MON2: variants seen among roughly 807,000 people sequenced by gnomAD.
The protein encoded by MON2 is protein MON2 homolog.
A neutral mutation model predicts 208.6 loss-of-function variants in MON2; 84 were observed. The observed-to-expected ratio is 0.40, with a 90% confidence interval of 0.34 to 0.48. The LOEUF (loss-of-function observed/expected upper bound fraction) is 0.48. MON2 is among the 20% of genes least tolerant of loss of function. The probability of loss-of-function intolerance (pLI) is 0.59; values close to 1 mark genes in which losing one functional copy is unlikely to be tolerated. For synonymous variants in MON2, 660 were observed against 694.0 expected (o/e 0.95, Z 0.77); for missense variants, 1,611 against 2,015.4 (o/e 0.80, Z 3.84).
chr12:62,592,609 G>GT lies in MON2; in HGVS notation c.5015dup (p.Ile1673AsnfsTer23). ...AGTTGATGGAAATACCTGGGCACAAGTAATTGCCTTATACCCAACTTTAGT... is the reference window on the plus strand; with the variant it reads ...AGTTGATGGAAATACCTGGGCACAAGTTAATTGCCTTATACCCAACTTTAGT... On this transcript the variant is annotated frameshift_variant, in exon 35 of 35. Coordinates refer to ENST00000393630, the MANE Select transcript of MON2 (RefSeq NM_015026.3). LOFTEE classifies it high-confidence loss of function. The GT allele has an allele frequency of 6.2e-7, 1 of 1,602,238 alleles. No homozygotes were observed. The highest frequency in any genetic ancestry group is 8.5e-7 in the Non-Finnish European group (1 of 1,171,386).
intron 2 of MON2, among the ~76,000 whole-genome samples, chr12:62,489,654 G>T (rs1401915893): frequency 6.6e-6 from 1 of 151,912 alleles, no homozygotes. Flanking sequence ...GGTAATGTGA[G>T]GACTTAGATT....
intron 8 of MON2, among the ~76,000 whole-genome samples, chr12:62,524,300 T>C (rs2072221643): frequency 1.3e-5 from 2 of 152,174 alleles, no homozygotes. Context: ...TTTTCAGGTA[T>C]ATATTTAGAG....
intron 1 of MON2, chr12:62,482,588 A>G (rs1467394093): frequency 6.6e-6 from 1 of 152,364 alleles, no homozygotes; most frequent in South Asian, 2.1e-4. Flanking sequence ...ATAACAGTGT[A>G]TGTATAAAAT....
chr12:62,549,757 T>C lies in MON2; in HGVS notation c.2843T>C (p.Val948Ala), dbSNP rs781604501. 6.8e-6 allele frequency: 11 copies of C among 1,613,146 alleles called. No individual in the cohort carries two copies. Among genetic ancestry groups the C allele is most frequent in the Non-Finnish European group, 9.3e-6 (11 of 1,179,614 alleles). Residue 948 changes from valine (V) to alanine (A), a missense_variant, in exon 23 of 35, where the codon GTT becomes GCT. Val to Ala is a moderately conservative substitution (Grantham distance 64). Coordinates refer to ENST00000393630, the MANE Select transcript of MON2 (RefSeq NM_015026.3). The part of the protein sequence containing the change: ...PTMPCTCLQI[V>A]VDVAGSFGLH... ...ATGCCTTGTACTTGCCTGCAAATAG[T>C]TGTAGATGTTGCAGGTAGCTTTGGC... is the stretch of plus-strand genomic sequence containing the variant.
intron 10 of MON2, 40 bp downstream of exon 10, chr12:62,525,260 G>GT: frequency 6.3e-7 from 1 of 1,599,274 alleles, no homozygotes; most frequent in African/African-American, 1.3e-5. Flanking sequence ...ATATTCTGCC[G>GT]TAAGTTACAG....
In MON2 at chr12:62,525,961, T is replaced by C; in HGVS notation, c.1259T>C (p.Leu420Ser). 6.2e-7 allele frequency: 1 copy of C among 1,612,874 alleles called. No individual in the cohort carries two copies. The highest frequency in any genetic ancestry group is 8.5e-7 in the Non-Finnish European group (1 of 1,179,540). Residue 420 changes from leucine to serine, a missense_variant, in exon 11 of 35, where the codon TTA becomes TCA. Coordinates refer to ENST00000393630, the MANE Select transcript of MON2 (RefSeq NM_015026.3). Reference protein sequence around the residue: ...ATSNQAGNNNLGGSVSAPANS... With the variant: ...ATSNQAGNNNSGGSVSAPANS... ...TCTTCTCTAACAGGAAACAATAATT[T>C]AGGTGGCTCAGTCTCAGCACCAGCT...
intron 32 of MON2, among the ~76,000 whole-genome samples, chr12:62,584,128 A>T (rs1248301505): frequency 6.6e-6 from 1 of 152,134 alleles, no homozygotes; most frequent in Non-Finnish European, 1.5e-5. Flanking sequence ...AGTGTAAAAC[A>T]GTAATTCTCC....
chr12:62,584,601 G>A (rs536485896), intron 32 of MON2, among the ~76,000 whole-genome samples: 1 of 151,496 alleles, frequency 6.6e-6, no homozygotes, highest in South Asian at 2.1e-4. Flanking sequence ...TATTCAGGAG[G>A]CTGAGGCAGG....
intron 34 of MON2, among the ~76,000 whole-genome samples, chr12:62,591,278 A>G (rs1038011023): frequency 6.6e-5 from 10 of 152,228 alleles, no homozygotes; most frequent in African/African-American, 2.4e-4. Flanking sequence ...AGAAAAGCAG[A>G]ACAGCTCCAG....
At chr12:62,554,639 C>G (rs1233033705) in intron 24 of MON2, among the ~76,000 whole-genome samples, 2 of 151,986 alleles carry the variant, frequency 1.3e-5, no homozygotes, top group African/African-American at 4.8e-5. Flanking sequence ...GGACTGTAGG[C>G]TCACACTACC....
chr12:62,470,887 CAGTT>C (rs1431669323), intron 1 of MON2: 4 of 298,092 alleles, frequency 1.3e-5, no homozygotes, highest in South Asian at 1.0e-4. Flanking sequence ...ATTGCCTTGA[CAGTT>C]GGTAGGAAGA....
intron 2 of MON2, chr12:62,490,126 A>G: frequency 2.3e-6 from 1 of 427,720 alleles, no homozygotes. Context: ...GGTGTGTGAA[A>G]GTGCATCATT....
Position 62,561,103 on chromosome 12 carries a change from T to C in MON2, c.4022T>C (p.Val1341Ala). 2 of 1,601,026 alleles carry C rather than the reference T, an allele frequency of 1.2e-6. No individual in the cohort carries two copies. The highest frequency in any genetic ancestry group is 8.5e-7 in the Non-Finnish European group (1 of 1,175,194). ...LQEAVLTALD[V>A]LQKAICVGPE... ...GAAGCTGTACTTACAGCTTTAGATG[T>C]TCTCCAAAAGGTAATATAATTTTAG... is the stretch of plus-strand genomic sequence containing the variant. Residue 1341 changes from valine to alanine, a missense_variant, in exon 26 of 35, where the codon GTT (valine) becomes GCT (alanine). Transcript: ENST00000393630.
chr12:62,589,282 T>G (rs2075316393), intron 34 of MON2, among the ~76,000 whole-genome samples: 1 of 152,202 alleles, frequency 6.6e-6, no homozygotes, highest in Admixed American at 6.5e-5. Context: ...TTGGTTTACA[T>G]TCTGGCACAA....
At position 62,534,826 on chromosome 12, in the gene MON2, T is replaced by G. The variant is rs2136229175; in HGVS notation, c.1634-19T>G. 1 of 1,566,694 alleles carries G rather than the reference T, an allele frequency of 6.4e-7. No individual in the cohort carries two copies. Among genetic ancestry groups the G allele is most frequent in the Non-Finnish European group, 8.8e-7 (1 of 1,138,104 alleles). ...TATCTATAATTAAAATTAAATATTG[T>G]ATGTTTTTTTCCTTTAAGTTAGTAG... On this transcript the variant is annotated intron_variant, in intron 12 of 34. Coordinates refer to ENST00000393630, the MANE Select transcript of MON2 (RefSeq NM_015026.3).
At chr12:62,526,573 G>A (rs1229961529) in intron 11 of MON2, among the ~76,000 whole-genome samples, 2 of 151,968 alleles carry the variant, frequency 1.3e-5, no homozygotes, top group Admixed American at 1.3e-4. Context: ...TATTGTTAGG[G>A]TTAAACACAT....
intron 28 of MON2, 102 bp from the exon 29 acceptor site, chr12:62,566,220 C>T (rs748312734): frequency 6.2e-5 from 90 of 1,442,128 alleles, no homozygotes; most frequent in Non-Finnish European, 8.0e-5. Flanking sequence ...GACCTAAAAC[C>T]AAGGCCTGAA....
At chr12:62,475,793 T>G (rs1320436738) in intron 1 of MON2, among the ~76,000 whole-genome samples, 1 of 150,550 alleles carries the variant, frequency 6.6e-6, no homozygotes, top group East Asian at 2.0e-4. Flanking sequence ...GCTGATAACC[T>G]GAGGTCAGGA....
rs183907453 is a variant in MON2 at position 62,479,265 on chromosome 12, C to A, written c.112-4905C>A. 1.8e-3 allele frequency among the ~76,000 whole-genome samples: 272 copies of A among 152,282 alleles called. 1 individual carries two copies. The highest frequency in any genetic ancestry group is 6.1e-3 in the African/African-American group (253 of 41,556). Reference sequence around the variant, plus strand: ...CAAGAACCCCAGGGAATACCAAAATCTGAGGATATTCAAGCCCCTGATATG... The same window carrying A: ...CAAGAACCCCAGGGAATACCAAAATATGAGGATATTCAAGCCCCTGATATG... On this transcript the variant is annotated intron_variant, in intron 1 of 34. Transcript: ENST00000393630.
Sources: allele counts gnomAD v4.1 joint callset (sites outside exome capture counted in the v4.1 genomes callset), GRCh38; gene constraint gnomAD v4.1.1; transcripts MANE v1.5; gene names NCBI Gene and HGNC (gene_info 2026-07-23, HGNC 2026-07-21).